The following RBMS1 variants were observed in gnomAD, a reference collection of about 807,000 sequenced individuals.
RBMS1 encodes RNA-binding motif, single-stranded-interacting protein 1.
Under a neutral mutation model 62.3 loss-of-function variants are expected in RBMS1, and 17 were observed. The observed-to-expected ratio is 0.27, with a 90% CI of 0.19 to 0.41. RBMS1 has a LOEUF of 0.41. RBMS1 is among the 10% of genes least tolerant of loss of function. The pLI is 1.00. For synonymous variants in RBMS1, 172 were observed against 170.0 expected (o/e 1.01, Z -0.09); for missense variants, 334 against 504.5 (o/e 0.66, Z 3.24).
chr2:160,434,076 A>T (rs546922876), intron 1 of RBMS1, among the ~76,000 whole-genome samples: 106 of 152,324 alleles, frequency 7.0e-4, no homozygotes, highest in African/African-American at 2.5e-3. Context: ...ATTGTGTTTA[A>T]ATTGAGAAAA....
At chr2:160,362,318 GCTT>G (rs1166159458) in intron 2 of RBMS1, among the ~76,000 whole-genome samples, 2 of 152,154 alleles carry the variant, frequency 1.3e-5, no homozygotes, top group African/African-American at 2.4e-5. Context: ...AAGAGACCTA[GCTT>G]TCGGCCTGTC....
chr2:160,442,294 T>C (rs1377354673), intron 1 of RBMS1, among the ~76,000 whole-genome samples: 3 of 152,176 alleles, frequency 2.0e-5, no homozygotes. Context: ...ATATTCGGGT[T>C]TATAACTCAA....
intron 1 of RBMS1, among the ~76,000 whole-genome samples, chr2:160,444,454 T>TG (rs1683554773): frequency 6.6e-6 from 1 of 152,244 alleles, no homozygotes. Context: ...TATACTGTTC[T>TG]GTGTACTTTG....
intron 1 of RBMS1, 47 bp downstream of exon 1, chr2:160,493,242 C>G: frequency 6.3e-7 from 1 of 1,579,418 alleles, no homozygotes; most frequent in Non-Finnish European, 8.7e-7. Flanking sequence ...TGCGCGCGTC[C>G]CCGGGCCCCC....
At chr2:160,449,270 G>A (rs1484148914) in intron 1 of RBMS1, among the ~76,000 whole-genome samples, 6 of 147,576 alleles carry the variant, frequency 4.1e-5, no homozygotes, top group Admixed American at 1.3e-4. Flanking sequence ...CTGCCCAGCC[G>A]CCCCGTCTGG....
chr2:160,359,105 C>T (rs1356007122), intron 2 of RBMS1, among the ~76,000 whole-genome samples: 2 of 152,126 alleles, frequency 1.3e-5, no homozygotes, highest in African/African-American at 4.8e-5. Context: ...ACCACTATCA[C>T]CATCACCAGC....
intron 6 of RBMS1, among the ~76,000 whole-genome samples, chr2:160,290,773 C>T (rs1003510014): frequency 3.3e-5 from 5 of 152,152 alleles, no homozygotes; most frequent in East Asian, 3.8e-4. Flanking sequence ...TAATATTTTC[C>T]GGCATCTCTT....
chr2:160,320,638 CCT>C (rs1235829400), intron 2 of RBMS1, among the ~76,000 whole-genome samples: 5 of 152,006 alleles, frequency 3.3e-5, no homozygotes, highest in Non-Finnish European at 5.9e-5. Flanking sequence ...GGTACCTCCT[CCT>C]CTGTTTTCTT....
At chr2:160,384,713 G>C (rs1028133905) in intron 1 of RBMS1, among the ~76,000 whole-genome samples, 10 of 152,206 alleles carry the variant, frequency 6.6e-5, no homozygotes, top group African/African-American at 2.4e-4. Flanking sequence ...TTGTTGTAAA[G>C]ATTACACAAG....
chr2:160,426,335 A>AAGGAAGGGAAGG (rs58658592), intron 1 of RBMS1, among the ~76,000 whole-genome samples: 2 of 93,240 alleles, frequency 2.1e-5, no homozygotes. Flanking sequence ...GGAAGGAAGG[A>AAGGAAGGGAAGG]AAGGAAGGAA....
intron 7 of RBMS1, among the ~76,000 whole-genome samples, chr2:160,286,325 GT>G (rs1204094882): frequency 2.4e-3 from 305 of 128,916 alleles, no homozygotes; most frequent in African/African-American, 7.8e-3. Flanking sequence ...TTTTTATTTT[GT>G]TTTTTTTTTT....
chr2:160,367,735 T>A (rs1693488531), intron 1 of RBMS1, among the ~76,000 whole-genome samples: 1 of 152,158 alleles, frequency 6.6e-6, no homozygotes, highest in Admixed American at 6.5e-5. Context: ...AATTTAGAAA[T>A]CACTAGACTT....
chr2:160,484,805 A>G (rs1440701462), intron 1 of RBMS1, among the ~76,000 whole-genome samples: 1 of 150,800 alleles, frequency 6.6e-6, no homozygotes, highest in African/African-American at 2.4e-5. Context: ...CGGGAGGCGG[A>G]GCTTGCAGTA....
chr2:160,321,187 C>T (rs1456468576), intron 2 of RBMS1, among the ~76,000 whole-genome samples: 1 of 152,104 alleles, frequency 6.6e-6, no homozygotes, highest in Non-Finnish European at 1.5e-5. Context: ...CTCAGTAGTG[C>T]TGAATGCAAG....
intron 9 of RBMS1, chr2:160,282,924 A>T (rs747797914): frequency 4.6e-5 from 7 of 152,218 alleles, no homozygotes; most frequent in Non-Finnish European, 1.0e-4. Flanking sequence ...TATGGCACCG[A>T]GTGTCAGGCA....
At chr2:160,278,832 C>T (rs1383307460) in intron 10 of RBMS1, 174 bp from the exon 11 acceptor site, 5 of 553,932 alleles carry the variant, frequency 9.0e-6, no homozygotes, top group Non-Finnish European at 1.3e-5. Context: ...TTCTAAATTG[C>T]TCTTCCTGAG....
intron 2 of RBMS1, among the ~76,000 whole-genome samples, chr2:160,323,927 T>C (rs1295888290): frequency 6.6e-6 from 1 of 152,176 alleles, no homozygotes; most frequent in Non-Finnish European, 1.5e-5. Context: ...TACACCACAG[T>C]TTTACTCATT....
At chr2:160,396,466 T>C (rs1327483800) in intron 1 of RBMS1, among the ~76,000 whole-genome samples, 1 of 151,986 alleles carries the variant, frequency 6.6e-6, no homozygotes, top group Admixed American at 6.6e-5. Context: ...CCCAGGACTA[T>C]TCTACCTTCA....
At chr2:160,332,672 G>A (rs114140672) in intron 2 of RBMS1, among the ~76,000 whole-genome samples, 1 of 151,998 alleles carries the variant, frequency 6.6e-6, no homozygotes, top group Admixed American at 6.5e-5. Context: ...AATGGGTCCT[G>A]AACATCCATG....
Sources: gnomAD v4.1 joint callset for allele counts (sites outside exome capture counted in the v4.1 genomes callset) on GRCh38, gnomAD v4.1.1 for gene constraint, MANE v1.5 for transcripts, NCBI Gene and HGNC (gene_info 2026-07-23, HGNC 2026-07-21) for gene names.